TMEM132B: variants seen among roughly 807,000 people sequenced by gnomAD.
TMEM132B encodes the protein transmembrane protein 132B.
A neutral mutation model predicts 90.8 loss-of-function variants in TMEM132B; 18 were observed. The ratio of observed to expected loss-of-function variants is 0.20; its 90% confidence interval spans 0.14 to 0.29. The LOEUF (loss-of-function observed/expected upper bound fraction) is 0.29, where lower values mean the gene tolerates loss of function less well. Ranked by LOEUF, TMEM132B falls within the 10% of genes least tolerant of loss-of-function variation. The pLI, the probability that TMEM132B is intolerant of heterozygous loss-of-function variation, is 1.00. For missense variants in TMEM132B, 1,096 were observed against 1,326.8 expected (o/e 0.83, Z 2.70); for synonymous variants, 504 against 523.3 (o/e 0.96, Z 0.50).
At chr12:125,600,463 ATTTG>A (rs1211336590) in intron 5 of TMEM132B, among the ~76,000 whole-genome samples, 1 of 152,054 alleles carries the variant, frequency 6.6e-6, no homozygotes. Flanking sequence ...TCAACTTGTT[ATTTG>A]TTTATCTGTC....
intron 1 of TMEM132B, among the ~76,000 whole-genome samples, chr12:125,307,795 A>G (rs1876021739): frequency 4.0e-4 from 5 of 12,512 alleles, no homozygotes; most frequent in East Asian, 4.1e-3. Context: ...CAAGTATATT[A>G]CAAGTATATA....
chr12:125,492,751 T>TCCACTCAG lies in TMEM132B; in HGVS notation c.1107-26675_1107-26668dup, dbSNP rs1486525447. On this transcript the variant is annotated intron_variant, in intron 3 of 8. Transcript: ENST00000682704. The surrounding 1 kb of genome is among the most constrained non-coding windows in gnomAD (Gnocchi z 5.8). ...GTCCTGTGAAGAAACCTGCATGTTG[T>TCCACTCAG]CCACTCAGCCACTCAGCCACGCCCG... is the stretch of plus-strand genomic sequence containing the variant. Among the ~76,000 whole-genome samples the TCCACTCAG allele has an allele frequency of 6.6e-6, 1 of 152,100 alleles. No individual in the cohort carries two copies. The highest frequency in any genetic ancestry group is 6.5e-5 in the Admixed American group (1 of 15,276).
At chr12:125,538,132 C>T (rs776776973) in intron 4 of TMEM132B, among the ~76,000 whole-genome samples, 52 of 152,180 alleles carry the variant, frequency 3.4e-4, no homozygotes, top group Non-Finnish European at 4.4e-4. Context: ...GAAACATTGT[C>T]GATCATCTAA....
intron 5 of TMEM132B, among the ~76,000 whole-genome samples, chr12:125,624,919 G>C (rs764926163): frequency 2.6e-4 from 39 of 151,590 alleles, no homozygotes; most frequent in Non-Finnish European, 5.3e-4. Flanking sequence ...CAGTTCTATG[G>C]GTTTTCATGC....
chr12:125,294,226 A>G (rs1016128957), intron 1 of TMEM132B, among the ~76,000 whole-genome samples: 2 of 152,238 alleles, frequency 1.3e-5, no homozygotes, highest in Non-Finnish European at 1.5e-5. Context: ...TTTGTTCTGT[A>G]TAACTGCCTA....
chr12:125,307,044 A>G (rs1347351667), intron 1 of TMEM132B, among the ~76,000 whole-genome samples: 1 of 152,054 alleles, frequency 6.6e-6, no homozygotes. Flanking sequence ...ACCTCTTTAG[A>G]CCTTTATGAT....
At chr12:125,456,256 G>A (rs1469617906) in intron 3 of TMEM132B, among the ~76,000 whole-genome samples, 2 of 152,182 alleles carry the variant, frequency 1.3e-5, no homozygotes, top group African/African-American at 2.4e-5. Context: ...AGGTGAAAAG[G>A]AGCCAACTGT....
chr12:125,643,430 A>C (rs911692380), intron 5 of TMEM132B, among the ~76,000 whole-genome samples: 1 of 152,214 alleles, frequency 6.6e-6, no homozygotes, highest in African/African-American at 2.4e-5. Flanking sequence ...TGGGGACTTA[A>C]ATGGTCTAAT....
chr12:125,303,992 A>G (rs1184807621), intron 1 of TMEM132B, among the ~76,000 whole-genome samples: 3 of 152,214 alleles, frequency 2.0e-5, no homozygotes, highest in Admixed American at 6.5e-5. Flanking sequence ...TTTTGGCACC[A>G]GGGACTGGTT....
chr12:125,397,086 C>T (rs568465988), intron 2 of TMEM132B, among the ~76,000 whole-genome samples: 33 of 152,136 alleles, frequency 2.2e-4, no homozygotes, highest in African/African-American at 7.7e-4. Context: ...ATTCCCCTGC[C>T]TCAGCCTCCC....
intron 4 of TMEM132B, among the ~76,000 whole-genome samples, chr12:125,526,290 T>C (rs993576313): frequency 2.0e-5 from 3 of 152,192 alleles, no homozygotes; most frequent in African/African-American, 7.2e-5. Context: ...CCTGCTGGGC[T>C]CCTCGCACAG....
chr12:125,504,525 C>G (rs955667976), intron 3 of TMEM132B, among the ~76,000 whole-genome samples: 2 of 152,086 alleles, frequency 1.3e-5, no homozygotes, highest in Non-Finnish European at 2.9e-5. Context: ...GAAAAGTTGT[C>G]TTCATCTTTT....
chr12:125,253,153 C>T (rs1013430245), intron 1 of TMEM132B, among the ~76,000 whole-genome samples: 1 of 152,132 alleles, frequency 6.6e-6, no homozygotes, highest in Non-Finnish European at 1.5e-5. Flanking sequence ...CTCTGACCCC[C>T]TCCTCCCCAC....
At chr12:125,584,232 C>T in intron 5 of TMEM132B, 2 of 539,514 alleles carry the variant, frequency 3.7e-6, no homozygotes, top group South Asian at 4.1e-5. Flanking sequence ...CCTTAATCTC[C>T]AGCAGAAAGA....
Position 125,513,842 on chromosome 12 carries a change from T to C in TMEM132B, c.1107-5597T>C, listed in dbSNP as rs376344545. 1.3e-4 allele frequency among the ~76,000 whole-genome samples: 20 copies of C among 152,342 alleles called. No homozygotes were observed. In the East Asian group the frequency reaches 2.1e-3, roughly 16 times the overall value. On this transcript the variant is annotated intron_variant, in intron 3 of 8. Transcript: ENST00000682704. ...AAATTGAAGAATTTTGTTTAATTCT[T>C]AAAACAACTTTCATTCTTCCACTTC...
At chr12:125,260,375 A>AT (rs1874535824) in intron 1 of TMEM132B, among the ~76,000 whole-genome samples, 1 of 152,042 alleles carries the variant, frequency 6.6e-6, no homozygotes, top group Non-Finnish European at 1.5e-5. Flanking sequence ...ATGTTTTTCT[A>AT]TTTTTTAGAG....
At chr12:125,272,217 A>G (rs889459001) in intron 1 of TMEM132B, among the ~76,000 whole-genome samples, 2 of 152,200 alleles carry the variant, frequency 1.3e-5, no homozygotes, top group African/African-American at 4.8e-5. Context: ...ATCATCTTCC[A>G]CATTGCTGGG....
At chr12:125,361,609 A>G (rs1877960790) in intron 2 of TMEM132B, among the ~76,000 whole-genome samples, 1 of 152,164 alleles carries the variant, frequency 6.6e-6, no homozygotes, top group East Asian at 1.9e-4. Flanking sequence ...GAGAGCTAAG[A>G]GCTTAGATTT....
intron 3 of TMEM132B, among the ~76,000 whole-genome samples, chr12:125,429,099 G>C (rs577462935): frequency 5.0e-4 from 76 of 152,156 alleles, no homozygotes; most frequent in Non-Finnish European, 7.5e-4. Context: ...CCTACCATTA[G>C]TATGGTATAT....
Sources: allele counts gnomAD v4.1 joint callset (sites outside exome capture counted in the v4.1 genomes callset), GRCh38; gene constraint gnomAD v4.1.1; non-coding constraint Gnocchi (gnomAD v3.1); transcripts MANE v1.5; gene names NCBI Gene and HGNC (gene_info 2026-07-23, HGNC 2026-07-21).